The following SASH1 variants were observed in gnomAD, a reference collection of about 807,000 sequenced individuals.
The protein encoded by SASH1 is SAM and SH3 domain-containing protein 1.
SASH1 carries 44 observed loss-of-function variants against 125.2 expected under a neutral mutation model. The observed-to-expected ratio is 0.35, with a 90% CI of 0.28 to 0.45. The LOEUF is 0.45. Among genes scored for constraint, SASH1 ranks in the 20% least tolerant of loss-of-function variants. The pLI is 1.00. For synonymous variants in SASH1, 639 were observed against 649.1 expected (o/e 0.98, Z 0.24); for missense variants, 1,426 against 1,614.5 (o/e 0.88, Z 2.00).
intron 1 of SASH1, among the ~76,000 whole-genome samples, chr6:148,313,150 A>G (rs1252065581): frequency 6.6e-6 from 1 of 152,210 alleles, no homozygotes; most frequent in African/African-American, 2.4e-5. Flanking sequence ...CTACATTAGC[A>G]GAGACTAGGA....
the SASH1 span, among the ~76,000 whole-genome samples, chr6:148,254,057 T>A: frequency 6.6e-6 from 1 of 150,788 alleles, no homozygotes; most frequent in Non-Finnish European, 1.5e-5. Context: ...AATACAAAAA[T>A]TAACTGGGCA....
At chr6:148,219,775 G>A in the SASH1 span, among the ~76,000 whole-genome samples, 5 of 152,314 alleles carry the variant, frequency 3.3e-5, no homozygotes, top group African/African-American at 4.8e-5. Flanking sequence ...CTGTGCAGGT[G>A]ATGGGGAAAT....
intron 1 of SASH1, among the ~76,000 whole-genome samples, chr6:148,355,319 C>T (rs940083797): frequency 6.6e-6 from 1 of 152,166 alleles, no homozygotes; most frequent in African/African-American, 2.4e-5. Context: ...TGTTGTAACT[C>T]ACCTAACATG....
chr6:148,421,173 G>GAAAGAAAGAAAA lies in SASH1; in HGVS notation c.286-19000_286-18999insAAAAGAAAGAAA, dbSNP rs1562396533. On this transcript the variant is annotated intron_variant, in intron 2 of 19. Transcript: ENST00000367467. ...AGAAAGAAAGAAAGAAAGAAAGAAA[G>GAAAGAAAGAAAA]AAAGAAAGAAAGAAAGAAAGAAAGA... is the stretch of plus-strand genomic sequence containing the variant. 1.3e-3 allele frequency among the ~76,000 whole-genome samples: 177 copies of GAAAGAAAGAAAA among 139,434 alleles called. 2 individuals are homozygous for GAAAGAAAGAAAA. The highest frequency in any genetic ancestry group is 4.5e-3 in the African/African-American group (171 of 37,968). The allele number at this position is 139,434 out of a possible 152,430, so 91.5% of individuals were successfully genotyped here.
At position 148,535,957 on chromosome 6, in the gene SASH1, C is replaced by T. The variant is rs182290350; in HGVS notation, c.2095+1056C>T. On this transcript the variant is annotated intron_variant, in intron 16 of 19. Coordinates refer to ENST00000367467, the MANE Select transcript of SASH1 (RefSeq NM_015278.5). ...GAAGCAAGTGTCATTAGGTGAAATT[C>T]CCTTCTGCTAAATAGGCAGTCCCTC... 1.7e-3 allele frequency among the ~76,000 whole-genome samples: 244 copies of T among 147,154 alleles called. 1 individual carries two copies. Among genetic ancestry groups the T allele is most frequent in the Middle Eastern group, 3.4e-3 (1 of 290 alleles).
intron 1 of SASH1, among the ~76,000 whole-genome samples, chr6:148,284,172 C>T (rs1430580223): frequency 6.6e-6 from 1 of 152,040 alleles, no homozygotes; most frequent in Admixed American, 6.5e-5. Context: ...AGCATGTTGG[C>T]GCACGCCTGT....
intron 12 of SASH1, among the ~76,000 whole-genome samples, chr6:148,530,642 G>C (rs1206846069): frequency 6.6e-6 from 1 of 152,154 alleles, no homozygotes; most frequent in Non-Finnish European, 1.5e-5. Context: ...AGCTGGTTTT[G>C]AGCCCGTGTG....
At chr6:148,542,231 A>G (rs1782263726) in intron 17 of SASH1, among the ~76,000 whole-genome samples, 1 of 151,768 alleles carries the variant, frequency 6.6e-6, no homozygotes, top group Non-Finnish European at 1.5e-5. Context: ...AATGGAACTT[A>G]TATATATAGT....
At position 148,358,733 on chromosome 6, in the gene SASH1, G is replaced by GTTTTTTTTT. The variant is rs10673654; in HGVS notation, c.156+15522_156+15530dup. ...TCCTGTTTCCTAATGCCATGTTTTT[G>GTTTTTTTTT]TTTTTTTTTTTTTTTTTTTTGAGAC... is the stretch of plus-strand genomic sequence containing the variant. On this transcript the variant is annotated intron_variant, in intron 1 of 19. Coordinates refer to ENST00000367467, the MANE Select transcript of SASH1 (RefSeq NM_015278.5). Among the ~76,000 whole-genome samples, 100 of 120,872 alleles carry GTTTTTTTTT rather than the reference G, an allele frequency of 8.3e-4. 3 individuals are homozygous for GTTTTTTTTT. Among genetic ancestry groups the GTTTTTTTTT allele is most frequent in the Non-Finnish European group, 9.7e-4 (58 of 60,016 alleles). The allele number at this position is 120,872 out of a possible 152,430, so 79.3% of individuals were successfully genotyped here. A position where few individuals can be genotyped will look rare whatever the true frequency, so the allele number is the denominator to read the frequency against.
the SASH1 span, among the ~76,000 whole-genome samples, chr6:148,203,472 G>A: frequency 1.3e-5 from 2 of 152,244 alleles, no homozygotes; most frequent in South Asian, 4.1e-4. Flanking sequence ...GCTGTGGTGT[G>A]GGTTTCTTCC....
chr6:148,228,679 G>A, the SASH1 span, among the ~76,000 whole-genome samples: 5 of 152,156 alleles, frequency 3.3e-5, no homozygotes, highest in South Asian at 2.1e-4. Context: ...TCAAGTGAGC[G>A]TTTTATGCTC....
At position 148,532,909 on chromosome 6, in the gene SASH1, C is replaced by A. The variant is rs763787878; in HGVS notation, c.1677C>A (p.Ala559=). The change falls in exon 14 of 20, where the codon GCC becomes GCA. Residue 559 remains alanine, a synonymous_variant. Transcript: ENST00000367467. The surrounding 1 kb of genome is among the most constrained non-coding windows in gnomAD (Gnocchi z 4.7). ...PPYRGPFCGR[A]RVHTDFTPSP... ...ACCGAGGCCCGTTCTGCGGGCGTGCCAGGGTGCACACCGACTTCACCCCCA... is the reference window on the plus strand; with the variant it reads ...ACCGAGGCCCGTTCTGCGGGCGTGCAAGGGTGCACACCGACTTCACCCCCA... 2.5e-6 allele frequency: 4 copies of A among 1,614,216 alleles called. No homozygotes were observed. In the South Asian group the frequency reaches 3.3e-5, roughly 13 times the overall value.
chr6:148,475,173 A>G (rs1310361441), intron 7 of SASH1, among the ~76,000 whole-genome samples: 3 of 152,196 alleles, frequency 2.0e-5, no homozygotes, highest in African/African-American at 7.2e-5. Flanking sequence ...TACTGTGCAG[A>G]TAAGTCCCAA....
intron 1 of SASH1, among the ~76,000 whole-genome samples, chr6:148,311,111 T>C (rs1487036725): frequency 7.5e-5 from 9 of 120,440 alleles, no homozygotes; most frequent in South Asian, 2.9e-4. Context: ...TTTTTCTTTC[T>C]TTTTTTTCCC....
At chr6:148,246,219 T>G in the SASH1 span, among the ~76,000 whole-genome samples, 2 of 152,184 alleles carry the variant, frequency 1.3e-5, no homozygotes, top group African/African-American at 2.4e-5. Context: ...AAACAAGAGC[T>G]AACAGGAATA....
At chr6:148,438,735 A>C (rs1438165768) in intron 2 of SASH1, among the ~76,000 whole-genome samples, 1 of 135,836 alleles carries the variant, frequency 7.4e-6, no homozygotes, top group Non-Finnish European at 1.6e-5. Context: ...CAAAAAAAAA[A>C]AAAAAAAAAA....
chr6:148,233,400 C>T, the SASH1 span, among the ~76,000 whole-genome samples: 3,363 of 152,110 alleles, frequency 0.022, 61 homozygotes, highest in Non-Finnish European at 0.035. Flanking sequence ...TTCACCCACC[C>T]AGTGTCCACC....
At chr6:148,291,973 T>C (rs1370506009) in intron 1 of SASH1, among the ~76,000 whole-genome samples, 1 of 152,184 alleles carries the variant, frequency 6.6e-6, no homozygotes, top group Non-Finnish European at 1.5e-5. Context: ...AGAATTTGGT[T>C]ATTTTAAGAT....
chr6:148,500,207 A>G (rs1362480669), intron 8 of SASH1, among the ~76,000 whole-genome samples: 1 of 145,750 alleles, frequency 6.9e-6, no homozygotes, highest in Non-Finnish European at 1.5e-5. Context: ...TTGCCATGCT[A>G]TCTGACAATA....
Sources: gnomAD v4.1 joint callset for allele counts (sites outside exome capture counted in the v4.1 genomes callset) on GRCh38, gnomAD v4.1.1 for gene constraint, Gnocchi (gnomAD v3.1) non-coding constraint, MANE v1.5 for transcripts, NCBI Gene and HGNC (gene_info 2026-07-23, HGNC 2026-07-21) for gene names.